The following KIFC3 variants were observed in gnomAD, a reference collection of about 807,000 sequenced individuals.
KIFC3 encodes kinesin family member C3.
In KIFC3, 60 loss-of-function variants were observed where a neutral mutation model predicts 101.8. That is an observed-to-expected ratio of 0.59 (90% CI 0.48 to 0.73). The LOEUF is 0.73. KIFC3 is among the 30% of genes least tolerant of loss of function. The probability of loss-of-function intolerance (pLI) is 0.00; values close to 1 mark genes in which losing one functional copy is unlikely to be tolerated. For synonymous variants in KIFC3, 476 were observed against 482.7 expected (o/e 0.99, Z 0.18); for missense variants, 966 against 1,137.1 (o/e 0.85, Z 2.16).
intron 1 of KIFC3, among the ~76,000 whole-genome samples, chr16:57,854,535 G>A (rs913080098): frequency 6.6e-6 from 1 of 151,880 alleles, no homozygotes; most frequent in African/African-American, 2.4e-5. Context: ...GGCTGAGGCA[G>A]GAGAATTGCT....
Position 57,772,240 on chromosome 16 carries a change from G to A in KIFC3, c.364C>T (p.Arg122Ter), listed in dbSNP as rs781975446. 6.2e-7 allele frequency: 1 copy of A among 1,613,640 alleles called. No individual in the cohort carries two copies. The highest frequency in any genetic ancestry group is 8.5e-7 in the Non-Finnish European group (1 of 1,179,838). Reference sequence around the variant, plus strand: ...GGCCTCACCAGCTCAGATCGCAGTCGGCTCACTTCCTGGGCCTGGCTAATG... The same window carrying A: ...GGCCTCACCAGCTCAGATCGCAGTCAGCTCACTTCCTGGGCCTGGCTAATG... ...KLISQAQEVS[R>*]LRSELGGTDL... The change falls in exon 4 of 20, where the codon CGA (arginine) becomes TGA (stop). Residue 122 changes from arginine (R) to a stop codon, truncating the protein, a stop_gained. Coordinates refer to ENST00000445690, the MANE Select transcript of KIFC3 (RefSeq NM_001130100.2). LOFTEE classifies it high-confidence loss of function.
intron 1 of KIFC3, among the ~76,000 whole-genome samples, chr16:57,831,544 G>T (rs2055580534): frequency 6.6e-6 from 1 of 152,146 alleles, no homozygotes; most frequent in Non-Finnish European, 1.5e-5. Context: ...TTTTTAATTA[G>T]CCAGGCATGG....
At chr16:57,833,207 A>AATATAT (rs148991422) in intron 1 of KIFC3, among the ~76,000 whole-genome samples, 3 of 149,532 alleles carry the variant, frequency 2.0e-5, no homozygotes, top group Non-Finnish European at 3.0e-5. Context: ...CTCTGTCTCA[A>AATATAT]ATATATATAT....
chr16:57,788,740 C>T (rs1017884900), intron 3 of KIFC3: 7 of 1,288,722 alleles, frequency 5.4e-6, no homozygotes, highest in Non-Finnish European at 7.1e-6. Flanking sequence ...AGAATCCTCA[C>T]GTGAAGGAGA....
intron 1 of KIFC3, among the ~76,000 whole-genome samples, chr16:57,829,651 A>G (rs1178655752): frequency 2.0e-5 from 3 of 152,226 alleles, no homozygotes; most frequent in African/African-American, 4.8e-5. Context: ...AGCCCTGAAT[A>G]GGTAGACCTT....
intron 1 of KIFC3, among the ~76,000 whole-genome samples, chr16:57,853,845 C>G (rs189533098): frequency 2.0e-5 from 3 of 152,306 alleles, no homozygotes; most frequent in Admixed American, 2.0e-4. Context: ...GTTGTCCAGG[C>G]TGGTCTCGAA....
At chr16:57,808,937 C>T (rs782498579) in intron 1 of KIFC3, among the ~76,000 whole-genome samples, 3 of 152,206 alleles carry the variant, frequency 2.0e-5, no homozygotes, top group Non-Finnish European at 2.9e-5. Context: ...CAAACACAAG[C>T]TGCAGTTATA....
intron 18 of KIFC3, 149 bp from the exon 19 acceptor site, chr16:57,759,302 G>T: frequency 1.1e-6 from 1 of 942,202 alleles, no homozygotes; most frequent in Non-Finnish European, 1.6e-6. Flanking sequence ...CTGGGTCCCG[G>T]TCCTGTGGCG....
chr16:57,774,983 G>A lies in KIFC3; in HGVS notation c.316-2695C>T, dbSNP rs1555611042. On this transcript the variant is annotated intron_variant, in intron 3 of 19. Coordinates refer to ENST00000445690, the MANE Select transcript of KIFC3 (RefSeq NM_001130100.2). Reference sequence around the variant, plus strand: ...GCATGGGGCTGGGCGCACTAACCTTGATCATCTCCACTGCCGCCCCTGCCA... The same window carrying A: ...GCATGGGGCTGGGCGCACTAACCTTAATCATCTCCACTGCCGCCCCTGCCA... The A allele has an allele frequency of 2.6e-6, 4 of 1,533,984 alleles. No homozygotes were observed. In the South Asian group the frequency reaches 4.8e-5, roughly 18 times the overall value.
intron 1 of KIFC3, among the ~76,000 whole-genome samples, chr16:57,830,320 CT>C (rs1193371159): frequency 1.3e-5 from 2 of 150,576 alleles, no homozygotes; most frequent in African/African-American, 4.9e-5. Context: ...TCTCTGCAGC[CT>C]CCCCCTCCCG....
chr16:57,826,579 A>G (rs1596802562), intron 1 of KIFC3, among the ~76,000 whole-genome samples: 1 of 152,254 alleles, frequency 6.6e-6, no homozygotes, highest in Non-Finnish European at 1.5e-5. Context: ...CAAACAAAAC[A>G]AAACAAAATA....
At chr16:57,845,006 T>G (rs1448895190) in intron 1 of KIFC3, among the ~76,000 whole-genome samples, 1 of 152,192 alleles carries the variant, frequency 6.6e-6, no homozygotes, top group Non-Finnish European at 1.5e-5. Context: ...CTGCAGCCCA[T>G]ATGGTCTTGA....
intron 1 of KIFC3, among the ~76,000 whole-genome samples, chr16:57,829,637 A>C (rs760610668): frequency 3.5e-4 from 54 of 152,220 alleles, no homozygotes; most frequent in Admixed American, 7.9e-4. Flanking sequence ...GAAAGTCACC[A>C]TGCAGCCCTG....
intron 3 of KIFC3, among the ~76,000 whole-genome samples, chr16:57,789,931 TTC>T (rs1555619496): frequency 6.6e-6 from 1 of 151,866 alleles, no homozygotes; most frequent in Non-Finnish European, 1.5e-5. Flanking sequence ...GAGACAGGGT[TTC>T]ACCACGTTGG....
chr16:57,835,096 G>A lies in KIFC3; in HGVS notation c.108+27633C>T, dbSNP rs555368354. 1.5e-3 allele frequency among the ~76,000 whole-genome samples: 227 copies of A among 152,306 alleles called. 2 individuals carry two copies. The highest frequency in any genetic ancestry group is 5.1e-3 in the African/African-American group (213 of 41,566). On this transcript the variant is annotated intron_variant, in intron 1 of 2. Transcript: ENST00000563028. ...GGCCCCTCCTTCTGTGAGTAAGAACGGAGGCGGGTTCTCTCTTTTGTTCTA... is the reference window on the plus strand; with the variant it reads ...GGCCCCTCCTTCTGTGAGTAAGAACAGAGGCGGGTTCTCTCTTTTGTTCTA...
In KIFC3 at chr16:57,758,813, CG is replaced by C. The variant is rs781950362; in HGVS notation, c.*120del. 1.9e-6 allele frequency: 3 copies of C among 1,545,880 alleles called. No homozygotes were observed. Among genetic ancestry groups the C allele is most frequent in the Non-Finnish European group, 2.7e-6 (3 of 1,122,562 alleles). ...GAGCCTCCACTCTCGCCTCTACCTC[CG>C]GGGGTCCTGGCGCTGCAGCAGGGAC... On this transcript the variant is annotated 3_prime_UTR_variant, in exon 20 of 20. Transcript: ENST00000445690.
intron 3 of KIFC3, among the ~76,000 whole-genome samples, chr16:57,792,803 T>A (rs1275054977): frequency 1.6e-5 from 2 of 128,870 alleles, no homozygotes; most frequent in East Asian, 5.1e-4. Context: ...ATGACTTGGC[T>A]GGAGGTTGCA....
At chr16:57,759,620 A>G in intron 18 of KIFC3, 108 bp downstream of exon 18, 1 of 814,766 alleles carries the variant, frequency 1.2e-6, no homozygotes, top group Non-Finnish European at 1.9e-6. Context: ...GAGAAGGTGT[A>G]AGAACTTTTT....
intron 2 of KIFC3, 194 bp downstream of exon 2, chr16:57,797,878 A>G (rs1201485989): frequency 2.2e-5 from 32 of 1,461,960 alleles, no homozygotes; most frequent in Non-Finnish European, 2.7e-5. Flanking sequence ...TTTTCCAGAC[A>G]GGGGCGCAGG....
Sources: gnomAD v4.1 joint callset for allele counts (sites outside exome capture counted in the v4.1 genomes callset) on GRCh38, gnomAD v4.1.1 for gene constraint, MANE v1.5 for transcripts, NCBI Gene and HGNC (gene_info 2026-07-23, HGNC 2026-07-21) for gene names.